The following SYT14 variants were observed in gnomAD, a reference collection of about 807,000 sequenced individuals.
SYT14 encodes synaptotagmin-14.
Under a neutral mutation model 74.2 loss-of-function variants are expected in SYT14, and 32 were observed. The ratio of observed to expected loss-of-function variants is 0.43; its 90% CI spans 0.33 to 0.58. SYT14 has a LOEUF of 0.58. Ranked by LOEUF, SYT14 falls within the 20% of genes least tolerant of loss-of-function variation. The pLI is 0.05. For missense variants in SYT14, 791 were observed against 981.8 expected (o/e 0.81, Z 2.60); for synonymous variants, 298 against 337.7 (o/e 0.88, Z 1.29).
chr1:210,001,562 A>T (rs947536573), intron 2 of SYT14, among the ~76,000 whole-genome samples: 2 of 152,192 alleles, frequency 1.3e-5, no homozygotes, highest in African/African-American at 4.8e-5. Context: ...TGCCTTTTGA[A>T]GCGTACATGC....
chr1:210,038,272 C>CTTT (rs1281864284), intron 5 of SYT14, among the ~76,000 whole-genome samples: 3 of 151,998 alleles, frequency 2.0e-5, no homozygotes, highest in African/African-American at 7.2e-5. Context: ...AATGGAGTAT[C>CTTT]TTTTTCCACT....
chr1:210,163,951 C>T, exon 10 of SYT14: 1 of 452,470 alleles, frequency 2.2e-6, no homozygotes, highest in Non-Finnish European at 4.4e-6. Context: ...CTATTAAAAT[C>T]CCCTAAGTTT....
At chr1:209,945,178 G>A (rs932569682) in intron 1 of SYT14, among the ~76,000 whole-genome samples, 1 of 152,072 alleles carries the variant, frequency 6.6e-6, no homozygotes, top group African/African-American at 2.4e-5. Context: ...CAAGATGAAA[G>A]CTATTTTCTG....
At chr1:210,013,506 TA>T (rs2080125041) in intron 2 of SYT14, 126 bp from the exon 3 acceptor site, 11 of 953,910 alleles carry the variant, frequency 1.2e-5, no homozygotes, top group Non-Finnish European at 1.6e-6. Context: ...AAACTGTTTT[TA>T]AACTATGACA....
intron 1 of SYT14, among the ~76,000 whole-genome samples, chr1:209,947,188 T>C (rs542441952): frequency 2.0e-5 from 3 of 152,324 alleles, no homozygotes; most frequent in Admixed American, 1.3e-4. Flanking sequence ...TAATACAACA[T>C]TTATTCTGCA....
chr1:210,132,656 C>T (rs2082701597), intron 7 of SYT14, among the ~76,000 whole-genome samples: 1 of 151,506 alleles, frequency 6.6e-6, no homozygotes, highest in African/African-American at 2.4e-5. Flanking sequence ...CTTTATGTCT[C>T]AGATAATTCA....
chr1:210,115,438 A>G (rs1391013608), intron 7 of SYT14, among the ~76,000 whole-genome samples: 1 of 151,216 alleles, frequency 6.6e-6, no homozygotes, highest in East Asian at 1.9e-4. Context: ...GTGATCAGAC[A>G]CCTCTGAAAC....
At chr1:209,938,227 C>T in exon 1 of SYT14, 1 of 1,525,868 alleles carries the variant, frequency 6.6e-7, no homozygotes, top group Non-Finnish European at 8.8e-7. Flanking sequence ...GTCTGCTGCC[C>T]CCGCCATCCA....
At chr1:210,067,239 A>G (rs188773445) in intron 5 of SYT14, among the ~76,000 whole-genome samples, 190 of 152,048 alleles carry the variant, frequency 1.2e-3, no homozygotes, top group African/African-American at 4.3e-3. Flanking sequence ...GAGTCTTCCT[A>G]CTGTATTCTT....
chr1:210,095,368 C>T (rs912161131), intron 6 of SYT14, among the ~76,000 whole-genome samples: 1 of 152,176 alleles, frequency 6.6e-6, no homozygotes, highest in African/African-American at 2.4e-5. Context: ...TTCCTCCCAC[C>T]TCAGCTTCCC....
At chr1:210,060,098 A>G (rs1000586764) in intron 5 of SYT14, among the ~76,000 whole-genome samples, 15 of 152,294 alleles carry the variant, frequency 9.8e-5, no homozygotes, top group African/African-American at 3.4e-4. Flanking sequence ...TTTCTTAAGC[A>G]TAACTTAGAC....
chr1:209,941,116 G>A (rs1262055477), intron 1 of SYT14, among the ~76,000 whole-genome samples: 1 of 152,070 alleles, frequency 6.6e-6, no homozygotes, highest in African/African-American at 2.4e-5. Context: ...CTTGAGTCTA[G>A]ACTTTTAAGT....
At chr1:210,060,171 C>T (rs1428053579) in intron 5 of SYT14, among the ~76,000 whole-genome samples, 13 of 152,140 alleles carry the variant, frequency 8.5e-5, no homozygotes, top group Admixed American at 8.5e-4. Context: ...AAATAGCAGA[C>T]ATGGTTTCTA....
chr1:210,030,739 A>G lies in SYT14; in HGVS notation c.1312+9485A>G, dbSNP rs549596317. 4.6e-5 allele frequency among the ~76,000 whole-genome samples: 7 copies of G among 152,234 alleles called. No homozygotes were observed. The South Asian group carries it at 1.2e-3, about 27-fold the overall frequency. ...AGGAGTGTTTTAGGAAAGCATGTCAACTTTCTCTGTTGTTGGGATTCATGC... is the reference window on the plus strand; with the variant it reads ...AGGAGTGTTTTAGGAAAGCATGTCAGCTTTCTCTGTTGTTGGGATTCATGC... On this transcript the variant is annotated intron_variant, in intron 5 of 9. Coordinates refer to ENST00000637265, the Ensembl canonical transcript of SYT14.
At chr1:209,998,487 A>G (rs533936695) in intron 2 of SYT14, among the ~76,000 whole-genome samples, 1 of 152,226 alleles carries the variant, frequency 6.6e-6, no homozygotes, top group South Asian at 2.1e-4. Context: ...AATACCCCAA[A>G]TAGTCAAAAC....
At chr1:210,072,525 G>A (rs1218385319) in intron 5 of SYT14, among the ~76,000 whole-genome samples, 1 of 152,010 alleles carries the variant, frequency 6.6e-6, no homozygotes, top group African/African-American at 2.4e-5. Context: ...TAAGGGAGAT[G>A]TACATTCTGA....
chr1:210,106,847 C>T (rs188758172), intron 7 of SYT14, among the ~76,000 whole-genome samples: 221 of 152,252 alleles, frequency 1.5e-3, no homozygotes, highest in African/African-American at 5.2e-3. Flanking sequence ...AACAGTCCCC[C>T]AAAGTCTTAA....
At chr1:209,983,815 ACT>A (rs1220169489) in intron 2 of SYT14, among the ~76,000 whole-genome samples, 2 of 151,936 alleles carry the variant, frequency 1.3e-5, no homozygotes, top group Non-Finnish European at 2.9e-5. Flanking sequence ...CATTTTGAAC[ACT>A]CTATTGTGGT....
At chr1:210,103,276 C>T (rs1301771538) in intron 7 of SYT14, among the ~76,000 whole-genome samples, 12 of 151,990 alleles carry the variant, frequency 7.9e-5, no homozygotes, top group Non-Finnish European at 1.5e-4. Context: ...TAAGGCCGGG[C>T]GCAGTGGCTC....
Sources: gnomAD v4.1 joint callset for allele counts (sites outside exome capture counted in the v4.1 genomes callset) on GRCh38, gnomAD v4.1.1 for gene constraint, MANE v1.5 for transcripts, NCBI Gene and HGNC (gene_info 2026-07-23, HGNC 2026-07-21) for gene names.